Variants in NEURL4 observed in about 807,000 individuals in gnomAD.
NEURL4 encodes the protein neuralized E3 ubiquitin protein ligase 4, also known as neuralized-like protein 4.
Under a neutral mutation model 148.0 loss-of-function variants are expected in NEURL4, and 45 were observed. That is an observed-to-expected ratio of 0.30 (90% CI 0.24 to 0.39). The LOEUF (loss-of-function observed/expected upper bound fraction) is 0.39, where lower values mean the gene tolerates loss of function less well. Among genes scored for constraint, NEURL4 ranks in the 10% least tolerant of loss-of-function variants. NEURL4 has a pLI of 1.00. For synonymous variants in NEURL4, 854 were observed against 869.0 expected, an observed-to-expected ratio of 0.98 and a Z score of 0.30; for missense variants, 1,776 against 2,144.0, an observed-to-expected ratio of 0.83 and a Z score of 3.39.
At chr17:7,323,210 C>A in intron 14 of NEURL4, 87 bp from the exon 15 acceptor site, 1 of 1,411,304 alleles carries the variant, frequency 7.1e-7, no homozygotes, top group African/African-American at 1.4e-5. Context: ...CAGAACCCTC[C>A]AATGTCTTGG....
chr17:7,329,181 C>G lies in NEURL4; in HGVS notation c.132G>C (p.Leu44=). 6.3e-7 allele frequency: 1 copy of G among 1,588,926 alleles called. No individual in the cohort carries two copies. Among genetic ancestry groups the G allele is most frequent in the East Asian group, 2.3e-5 (1 of 44,052 alleles). Residue 44 remains leucine (L), a synonymous_variant, in exon 1 of 29, where the codon CTG becomes CTC. Coordinates refer to ENST00000399464, the MANE Select transcript of NEURL4 (RefSeq NM_032442.3). ...TCACCAAGCGCCCAGTGCGCGGGTG[C>G]AGTTCCCCGCCGCTGCCCAGACCCC... The part of the protein sequence containing the change: ...SNGGLGSGGE[L]HPRTGRLVSL...
Position 7,327,101 on chromosome 17 carries a change from G to A in NEURL4, c.793+64C>T. Reference sequence around the variant, plus strand: ...TGCCTCTCTCCCTACCCCTTCTCCTGAGGGCCCTCCCTTGTCCACCTCACT... The same window carrying A: ...TGCCTCTCTCCCTACCCCTTCTCCTAAGGGCCCTCCCTTGTCCACCTCACT... On this transcript the variant is annotated intron_variant, in intron 3 of 28. Transcript: ENST00000399464. The surrounding 1 kb of genome is among the most constrained non-coding windows in gnomAD (Gnocchi z 6.6). 1 of 1,601,050 alleles carries A rather than the reference G, an allele frequency of 6.2e-7. No individual in the cohort carries two copies. Among genetic ancestry groups the A allele is most frequent in the Non-Finnish European group, 8.5e-7 (1 of 1,174,054 alleles).
chr17:7,318,931 C>T lies in NEURL4; in HGVS notation c.3684+119G>A, dbSNP rs935503830. The T allele has an allele frequency of 8.3e-7, 1 of 1,198,564 alleles. No homozygotes were observed. The highest frequency in any genetic ancestry group is 1.2e-6 in the Non-Finnish European group (1 of 857,208). The allele number at this position is 1,198,564 out of a possible 1,614,324, so 74.2% of individuals were successfully genotyped here. A position where few individuals can be genotyped will look rare whatever the true frequency, so the allele number is the denominator to read the frequency against. ...GCTACTCGCCCTTGCCTGCCCATTA[C>T]TGTTCCCCTTTTACACCTGTGGTCC... is the stretch of plus-strand genomic sequence containing the variant. On this transcript the variant is annotated intron_variant, in intron 22 of 28. Transcript: ENST00000399464. This position sits in a 1 kb window ranked among gnomAD's most constrained non-coding sequence, Gnocchi z 4.3.
chr17:7,325,504 T>G (rs1314909560), intron 7 of NEURL4, 31 bp from the exon 8 acceptor site: 2 of 1,602,116 alleles, frequency 1.2e-6, no homozygotes, highest in Non-Finnish European at 8.5e-7. Flanking sequence ...GGTGTGGGAG[T>G]GGACAGGGAG....
Position 7,329,241 on chromosome 17 carries a change from G to GCCCCCACCC in NEURL4, c.63_71dup (p.Gly22_Gly24dup). The GCCCCCACCC allele has an allele frequency of 6.7e-7, 1 of 1,481,516 alleles. No homozygotes were observed. Among genetic ancestry groups the GCCCCCACCC allele is most frequent in the East Asian group, 2.7e-5 (1 of 37,168 alleles). The allele number at this position is 1,481,516 out of a possible 1,614,324, so 91.8% of individuals were successfully genotyped here. A position where few individuals can be genotyped will look rare whatever the true frequency, so the allele number is the denominator to read the frequency against. On this transcript the variant is annotated inframe_insertion, in exon 1 of 29. Coordinates refer to ENST00000399464, the MANE Select transcript of NEURL4 (RefSeq NM_032442.3). ...CCGGTCCTGAGCCGCTCCCGCTGGG[G>GCCCCCACCC]CCCCCACCCCCGCCCGGCCCCGGTC... is the stretch of plus-strand genomic sequence containing the variant.
rs777366421 is a variant in NEURL4 at position 7,327,593 on chromosome 17, C to T, written c.574G>A (p.Val192Ile). Residue 192 changes from valine (V) to isoleucine (I), a missense_variant, in exon 2 of 29, where the codon GTC becomes ATC. Physicochemically the swap from Val to Ile is conservative, Grantham distance 29. Coordinates refer to ENST00000399464, the MANE Select transcript of NEURL4 (RefSeq NM_032442.3). This position sits in a 1 kb window ranked among gnomAD's most constrained non-coding sequence, Gnocchi z 6.6. ...ATGLPPRVWAVVDLYGKCTQI... is the reference protein window; with the variant it reads ...ATGLPPRVWAIVDLYGKCTQI... ...GTGCACTTGCCATAAAGGTCCACGA[C>T]GGCCCAGACACGAGGGGGCAGGCCT... 62 of 1,611,846 alleles carry T rather than the reference C, an allele frequency of 3.8e-5. No homozygotes were observed. The highest frequency in any genetic ancestry group is 1.8e-4 in the East Asian group (8 of 44,894).
rs749368625 is a variant in NEURL4 at position 7,322,769 on chromosome 17, A to C, written c.2691T>G (p.Thr897=). The C allele has an allele frequency of 3.7e-6, 6 of 1,609,012 alleles. No individual in the cohort carries two copies. The highest frequency in any genetic ancestry group is 3.4e-5 in the Admixed American group (2 of 59,374). Residue 897 remains threonine (T), a synonymous_variant, in exon 16 of 29, where the codon ACT becomes ACG. Transcript: ENST00000399464. This position sits in a 1 kb window ranked among gnomAD's most constrained non-coding sequence, Gnocchi z 5.5. Reference sequence around the variant, plus strand: ...GCAGTGGGAAGGACTTCTCGGTGGCAGTGTTGCTGGTCGCCAGGCTGTTGT... The same window carrying C: ...GCAGTGGGAAGGACTTCTCGGTGGCCGTGTTGCTGGTCGCCAGGCTGTTGT... ...PMDNSLATSN[T]ATEKSFPLHS...
chr17:7,318,083 C>T lies in NEURL4; in HGVS notation c.4042G>A (p.Glu1348Lys). 1 of 1,614,154 alleles carries T rather than the reference C, an allele frequency of 6.2e-7. No homozygotes were observed. The highest frequency in any genetic ancestry group is 8.5e-7 in the Non-Finnish European group (1 of 1,180,020). Residue 1348 changes from glutamate (E) to lysine (K), a missense_variant, in exon 25 of 29, where the codon GAA (glutamate) becomes AAA (lysine). Physicochemically the swap from Glu to Lys is moderately conservative, Grantham distance 56. Transcript: ENST00000399464. This position sits in a 1 kb window ranked among gnomAD's most constrained non-coding sequence, Gnocchi z 4.3. The stretch of plus-strand genomic sequence containing the variant: ...GACTCACCGGGAAGCAGCAGGAGTT[C>T]TTGGAAGCGAGAGCAAAGGGCATGG... ...EYHALCSRFQ[E>K]LLLLPEDYFM...
chr17:7,323,129 G>A lies in NEURL4; in HGVS notation c.2418-6C>T. 3 of 1,608,240 alleles carry A rather than the reference G, an allele frequency of 1.9e-6. No individual in the cohort carries two copies. The highest frequency in any genetic ancestry group is 1.7e-6 in the Non-Finnish European group (2 of 1,175,726). On this transcript the variant is annotated splice_polypyrimidine_tract_variant and splice_region_variant and intron_variant, in intron 14 of 28. Transcript: ENST00000399464. ...CTTGCATGATGGCTGTACCACTGGGGGGATGGCAGAAGGGGTGAGTCAGCC... is the reference window on the plus strand; with the variant it reads ...CTTGCATGATGGCTGTACCACTGGGAGGATGGCAGAAGGGGTGAGTCAGCC...
In NEURL4 at chr17:7,323,006, G is replaced by C; in HGVS notation, c.2535C>G (p.His845Gln). ...CTTGGTCCTGGCCGTTGATGAAGTAGTGCAGGTCGCCCTTGGCAGTTCGCA... is the reference window on the plus strand; with the variant it reads ...CTTGGTCCTGGCCGTTGATGAAGTACTGCAGGTCGCCCTTGGCAGTTCGCA... ...GMMRTAKGDL[H>Q]YFINGQDQGA... The change falls in exon 15 of 29, where the codon CAC becomes CAG. Residue 845 changes from histidine to glutamine, a missense_variant. His to Gln is a conservative substitution (Grantham distance 24, BLOSUM62 0). Coordinates refer to ENST00000399464, the MANE Select transcript of NEURL4 (RefSeq NM_032442.3). 2 of 1,613,782 alleles carry C rather than the reference G, an allele frequency of 1.2e-6. No homozygotes were observed. The highest frequency in any genetic ancestry group is 1.7e-6 in the Non-Finnish European group (2 of 1,180,002).
In NEURL4 at chr17:7,324,751, G is replaced by A. The variant is rs201537284; in HGVS notation, c.1813+48C>T. 109 of 1,583,504 alleles carry A rather than the reference G, an allele frequency of 6.9e-5. No individual in the cohort carries two copies. In the Admixed American group the frequency reaches 1.8e-3, roughly 26 times the overall value. Reference sequence around the variant, plus strand: ...AACAAGTGCCAGGGCTTTGGGGATAGCTTCCCCCCAAAACCCTATCCTGTC... The same window carrying A: ...AACAAGTGCCAGGGCTTTGGGGATAACTTCCCCCCAAAACCCTATCCTGTC... On this transcript the variant is annotated intron_variant, in intron 9 of 28. Transcript: ENST00000399464. The surrounding 1 kb of genome is among the most constrained non-coding windows in gnomAD (Gnocchi z 5.9).
At position 7,326,477 on chromosome 17, in the gene NEURL4, G is replaced by A. The variant is rs1444041284; in HGVS notation, c.1164C>T (p.Asn388=). 6.2e-7 allele frequency: 1 copy of A among 1,614,186 alleles called. No individual in the cohort carries two copies. The highest frequency in any genetic ancestry group is 8.5e-7 in the Non-Finnish European group (1 of 1,180,020). Residue 388 remains asparagine (N), a synonymous_variant, in exon 5 of 29, where the codon AAC becomes AAT. Transcript: ENST00000399464. This position sits in a 1 kb window ranked among gnomAD's most constrained non-coding sequence, Gnocchi z 6.0. Reference sequence around the variant, plus strand: ...TCATGGTGGCTGGGTACTCCAAACTGTTGGGGTTGTGGGTGGTGACCCCAA... The same window carrying A: ...TCATGGTGGCTGGGTACTCCAAACTATTGGGGTTGTGGGTGGTGACCCCAA... ...IEIGVTTHNP[N]SLEYPATMTN...
chr17:7,321,267 A>T lies in NEURL4; in HGVS notation c.3205T>A (p.Trp1069Arg), dbSNP rs2073029430. 1 of 1,613,638 alleles carries T rather than the reference A, an allele frequency of 6.2e-7. No individual in the cohort carries two copies. Residue 1069 changes from tryptophan (W) to arginine (R), a missense_variant, in exon 20 of 29, where the codon TGG (tryptophan) becomes AGG (arginine). Trp to Arg is a moderately radical substitution (Grantham distance 101). Coordinates refer to ENST00000399464, the MANE Select transcript of NEURL4 (RefSeq NM_032442.3). The surrounding 1 kb of genome is among the most constrained non-coding windows in gnomAD (Gnocchi z 6.3). ...PAATGIAKNV[W>R]AVLDLYGPVR... ...GGCCCGTAGAGATCCAACACAGCCC[A>T]CACGTTCTGGGAGGCACACAAGACC...
rs2073092427 is a variant in NEURL4, at chr17:7,325,476, G to A, written c.1367-3C>T. 11 of 1,610,132 alleles carry A rather than the reference G, an allele frequency of 6.8e-6. No homozygotes were observed. The highest frequency in any genetic ancestry group is 9.3e-6 in the Non-Finnish European group (11 of 1,179,700). On this transcript the variant is annotated splice_region_variant and splice_polypyrimidine_tract_variant and intron_variant, in intron 7 of 28. Transcript: ENST00000399464. ...GGGCGTCAAGGGGGTTGCCACTCCT[G>A]TGGCAGGAAGGTACGGGGGTGTGGG...
intron 6 of NEURL4, 105 bp from the exon 7 acceptor site, chr17:7,325,818 C>A (rs2073097185): frequency 1.1e-6 from 1 of 917,526 alleles, no homozygotes; most frequent in African/African-American, 1.6e-5. Context: ...CTCAGACCAC[C>A]CTGGAGGACA....
Position 7,316,323 on chromosome 17 carries a change from G to C in NEURL4, c.4489C>G (p.Arg1497Gly), listed in dbSNP as rs1451551637. Reference protein sequence around the residue: ...AETLASKVQFRDPKSQRTHQA... With the variant: ...AETLASKVQFGDPKSQRTHQA... ...TGCGTCCGCTGGGATTTGGGGTCCC[G>C]GAATCTGTCAGACAAGAAAAAATAA... The change falls in exon 29 of 29, where the codon CGG becomes GGG. Residue 1497 changes from arginine to glycine, a missense_variant. Coordinates refer to ENST00000399464, the MANE Select transcript of NEURL4 (RefSeq NM_032442.3). The C allele has an allele frequency of 2.5e-6, 4 of 1,611,520 alleles. No homozygotes were observed. The highest frequency in any genetic ancestry group is 1.3e-5 in the African/African-American group (1 of 74,814).
Position 7,319,248 on chromosome 17 carries a change from G to A in NEURL4, c.3526-40C>T, listed in dbSNP as rs558790774. On this transcript the variant is annotated intron_variant, in intron 21 of 28. Transcript: ENST00000399464. ...ACTACTCCATAATCACAGCCTCCTG[G>A]GAAGAACCAGGCTCCGCACCCCAGC... is the stretch of plus-strand genomic sequence containing the variant. The A allele has an allele frequency of 5.8e-6, 9 of 1,564,980 alleles. No individual in the cohort carries two copies. The East Asian group carries it at 9.1e-5, about 16-fold the overall frequency.
chr17:7,319,374 CTTTTTTTTTTTTTTTTTTTTT>C (rs374281551), intron 21 of NEURL4, among the ~76,000 whole-genome samples, 166 bp from the exon 22 acceptor site: 99 of 113,938 alleles, frequency 8.7e-4, no homozygotes, highest in Middle Eastern at 5.6e-3. Flanking sequence ...TTCTTTCCCT[CTTTTTTTTTTTTTTTTTTTTT>C]TTTTTTTTAA....
chr17:7,317,444 G>A lies in NEURL4; in HGVS notation c.4318+17C>T. 5 of 1,613,654 alleles carry A rather than the reference G, an allele frequency of 3.1e-6. No homozygotes were observed. Among genetic ancestry groups the A allele is most frequent in the Non-Finnish European group, 4.2e-6 (5 of 1,179,680 alleles). ...CCCCAGGCTCAGCCCACCTTGCATG[G>A]GCCTACTCGCCAGTACCTGCTCCCA... On this transcript the variant is annotated intron_variant, in intron 27 of 28. Coordinates refer to ENST00000399464, the MANE Select transcript of NEURL4 (RefSeq NM_032442.3).
Sources: allele counts gnomAD v4.1 joint callset (sites outside exome capture counted in the v4.1 genomes callset), GRCh38; gene constraint gnomAD v4.1.1; non-coding constraint Gnocchi (gnomAD v3.1); transcripts MANE v1.5; gene names NCBI Gene and HGNC (gene_info 2026-07-23, HGNC 2026-07-21).